Variants in ARID2 observed in about 807,000 individuals in gnomAD.
The protein encoded by ARID2 is AT-rich interaction domain 2.
ARID2 carries 32 observed loss-of-function variants against 184.6 expected under a neutral mutation model. The observed-to-expected ratio is 0.17, with a 90% confidence interval of 0.13 to 0.23. The LOEUF is 0.23. Ranked by LOEUF, ARID2 falls within the 10% of genes least tolerant of loss-of-function variation. The pLI, the probability that ARID2 is intolerant of heterozygous loss-of-function variation, is 1.00. For missense variants in ARID2, 1,696 were observed against 2,197.6 expected (o/e 0.77, Z 4.56); for synonymous variants, 836 against 772.6 (o/e 1.08, Z -1.36).
At chr12:45,889,952 T>G (rs1172101866) in intron 16 of ARID2, among the ~76,000 whole-genome samples, 1 of 152,120 alleles carries the variant, frequency 6.6e-6, no homozygotes, top group East Asian at 1.9e-4. Context: ...ATAAATAAAA[T>G]TCAGGTAGTT....
At chr12:45,787,453 T>C (rs1942216177) in intron 3 of ARID2, among the ~76,000 whole-genome samples, 1 of 152,028 alleles carries the variant, frequency 6.6e-6, no homozygotes, top group African/African-American at 2.4e-5. Context: ...CAGGCTGGTC[T>C]CGAACTCCTG....
chr12:45,815,240 T>A (rs1235104229), intron 4 of ARID2, among the ~76,000 whole-genome samples: 1 of 152,218 alleles, frequency 6.6e-6, no homozygotes, highest in African/African-American at 2.4e-5. Flanking sequence ...TTATCATCAG[T>A]CCAGTTTACA....
At chr12:45,746,531 A>T (rs1394599537) in intron 3 of ARID2, among the ~76,000 whole-genome samples, 1 of 152,172 alleles carries the variant, frequency 6.6e-6, no homozygotes, top group Non-Finnish European at 1.5e-5. Flanking sequence ...CTTTAATAGT[A>T]TACTTTTGGT....
At chr12:45,832,146 T>C (rs957149156) in intron 6 of ARID2, among the ~76,000 whole-genome samples, 1 of 152,164 alleles carries the variant, frequency 6.6e-6, no homozygotes, top group Non-Finnish European at 1.5e-5. Context: ...AAAAATTTTA[T>C]TTTGCCTTCA....
At chr12:45,812,319 C>T (rs1309040403) in intron 4 of ARID2, among the ~76,000 whole-genome samples, 1 of 151,912 alleles carries the variant, frequency 6.6e-6, no homozygotes, top group Non-Finnish European at 1.5e-5. Flanking sequence ...TGTACTCTTA[C>T]AGGTTATCCT....
intron 3 of ARID2, among the ~76,000 whole-genome samples, chr12:45,806,893 A>G (rs2138075904): frequency 6.6e-6 from 1 of 152,306 alleles, no homozygotes; most frequent in South Asian, 2.1e-4. Context: ...TGAAGTTTAT[A>G]AAGGACCTTG....
At chr12:45,838,765 A>C (rs1438409761) in intron 10 of ARID2, among the ~76,000 whole-genome samples, 1 of 150,284 alleles carries the variant, frequency 6.7e-6, no homozygotes, top group East Asian at 1.9e-4. Context: ...ATCCTTTCTC[A>C]AAAAAAAATA....
chr12:45,818,967 A>T (rs560299783), intron 5 of ARID2, among the ~76,000 whole-genome samples: 2 of 152,290 alleles, frequency 1.3e-5, no homozygotes, highest in African/African-American at 4.8e-5. Flanking sequence ...AACTTTGAAG[A>T]TATAAATTTG....
intron 5 of ARID2, among the ~76,000 whole-genome samples, chr12:45,819,964 A>T (rs1942869830): frequency 1.3e-5 from 2 of 152,026 alleles, no homozygotes; most frequent in Middle Eastern, 3.4e-3. Context: ...GGCCAATCTC[A>T]AACTCCTGTC....
At chr12:45,881,685 G>T (rs1160410738) in intron 16 of ARID2, 6 of 174,802 alleles carry the variant, frequency 3.4e-5, no homozygotes, top group Non-Finnish European at 6.2e-5. Flanking sequence ...TGTTCCCTGG[G>T]CTTCCCCTGC....
In ARID2 at chr12:45,905,616, C is replaced by T. The variant is rs550050335; in HGVS notation, c.*538C>T. ...GTGTGTTTTGTTTAGAAATCAGTAG[C>T]TTGGTTTTCTTACTTGAGCCAATAT... On this transcript the variant is annotated 3_prime_UTR_variant, in exon 21 of 21. Coordinates refer to ENST00000334344, the MANE Select transcript of ARID2 (RefSeq NM_152641.4). 4.3e-6 allele frequency: 1 copy of T among 233,090 alleles called. No individual in the cohort carries two copies. Among genetic ancestry groups the T allele is most frequent in the Admixed American group, 5.6e-5 (1 of 17,786 alleles). The allele number at this position is 233,090 out of a possible 1,614,324, so 14.4% of individuals were successfully genotyped here. A position where few individuals can be genotyped will look rare whatever the true frequency, so the allele number is the denominator to read the frequency against.
intron 3 of ARID2, among the ~76,000 whole-genome samples, chr12:45,797,632 T>C (rs1027443439): frequency 1.3e-5 from 2 of 152,156 alleles, no homozygotes; most frequent in African/African-American, 2.4e-5. Flanking sequence ...ATTATAAATA[T>C]ATTGACACAT....
chr12:45,853,344 C>T (rs2138183124), intron 15 of ARID2, among the ~76,000 whole-genome samples: 1 of 152,250 alleles, frequency 6.6e-6, no homozygotes, highest in African/African-American at 2.4e-5. Flanking sequence ...CTTGTAATAA[C>T]TTTATCAGTC....
chr12:45,906,003 G>C lies in ARID2; in HGVS notation c.*925G>C, dbSNP rs1592152103. 1.3e-5 allele frequency: 3 copies of C among 224,102 alleles called. No individual in the cohort carries two copies. In the East Asian group the frequency reaches 1.9e-4, roughly 14 times the overall value. 13.9% of individuals were successfully genotyped at this position (224,102 alleles called of 1,614,324 possible). A position where few individuals can be genotyped will look rare whatever the true frequency, so the allele number is the denominator to read the frequency against. ...GTAGAACTCATTTTGCTGGCTGAAA[G>C]AGTATGGAATAATATATCTCATGTC... On this transcript the variant is annotated 3_prime_UTR_variant, in exon 21 of 21. Transcript: ENST00000334344.
At chr12:45,802,318 C>T (rs1245385744) in intron 3 of ARID2, among the ~76,000 whole-genome samples, 1 of 152,036 alleles carries the variant, frequency 6.6e-6, no homozygotes, top group East Asian at 1.9e-4. Context: ...TCCTCACACC[C>T]GGCCTCCCAA....
chr12:45,831,454 C>T (rs1943121058), intron 6 of ARID2, among the ~76,000 whole-genome samples: 1 of 152,096 alleles, frequency 6.6e-6, no homozygotes, highest in Non-Finnish European at 1.5e-5. Context: ...AATAGGTATA[C>T]AGTGTTTAAT....
chr12:45,866,153 G>T (rs1943829006), intron 16 of ARID2, among the ~76,000 whole-genome samples: 1 of 151,794 alleles, frequency 6.6e-6, no homozygotes, highest in East Asian at 1.9e-4. Context: ...TCATTAATAT[G>T]ACTATATATA....
At chr12:45,765,238 C>G (rs113449092) in intron 3 of ARID2, among the ~76,000 whole-genome samples, 231 of 152,098 alleles carry the variant, frequency 1.5e-3, no homozygotes, top group African/African-American at 5.2e-3. Context: ...GACAAGGTCT[C>G]TCTCTGTCAC....
chr12:45,874,246 A>C (rs1943972143), intron 16 of ARID2: 1 of 152,316 alleles, frequency 6.6e-6, no homozygotes, highest in South Asian at 2.1e-4. Flanking sequence ...AGCAAGTCAA[A>C]ACTCCAACGC....
Sources: allele counts gnomAD v4.1 joint callset (sites outside exome capture counted in the v4.1 genomes callset), GRCh38; gene constraint gnomAD v4.1.1; transcripts MANE v1.5; gene names NCBI Gene and HGNC (gene_info 2026-07-23, HGNC 2026-07-21).